Variants in FGF14 observed in about 807,000 individuals in gnomAD.
The protein encoded by FGF14 is fibroblast growth factor homologous factor 4.
A neutral mutation model predicts 25.5 loss-of-function variants in FGF14; 5 were observed. The observed-to-expected ratio is 0.20, with a 90% CI of 0.10 to 0.41. The LOEUF (loss-of-function observed/expected upper bound fraction) is 0.41, where lower values mean the gene tolerates loss of function less well. Ranked by LOEUF, FGF14 falls within the 10% of genes least tolerant of loss-of-function variation. The pLI, the probability that FGF14 is intolerant of heterozygous loss-of-function variation, is 1.00. For missense variants in FGF14, 222 were observed against 320.1 expected (o/e 0.69, Z 2.34); for synonymous variants, 138 against 118.3 (o/e 1.17, Z -1.08).
intron 3 of FGF14, 156 bp downstream of exon 3, chr13:101,868,569 T>C (rs1185888575): frequency 2.9e-6 from 2 of 678,880 alleles, no homozygotes; most frequent in Non-Finnish European, 5.4e-6. Context: ...TAAACACTGG[T>C]GAATAATAAA....
chr13:102,353,676 G>C (rs2057350026), intron 1 of FGF14, among the ~76,000 whole-genome samples: 1 of 151,946 alleles, frequency 6.6e-6, no homozygotes, highest in African/African-American at 2.4e-5. Flanking sequence ...TCACTTCCTG[G>C]ACCTCGCTAC....
In FGF14 at chr13:101,725,649, G is replaced by A. The variant is rs796661990; in HGVS notation, c.607+963C>T. On this transcript the variant is annotated intron_variant, in intron 4 of 4. Coordinates refer to ENST00000376143, the MANE Select transcript of FGF14 (RefSeq NM_004115.4). ...TTATGAAAACAATATGCATTTTCTC[G>A]TGATGGCTAAGCCTTTCCTGTAGGA... Among the ~76,000 whole-genome samples, 11 of 152,080 alleles carry A rather than the reference G, an allele frequency of 7.2e-5. No individual in the cohort carries two copies. In the East Asian group the frequency reaches 7.7e-4, roughly 11 times the overall value.
At position 102,206,553 on chromosome 13, in the gene FGF14, C is replaced by T. The variant is rs550683151; in HGVS notation, c.208+194918G>A. Reference sequence around the variant, plus strand: ...AAAATTAGCCAGGCATGGTGATGTGCGCCTGTACTCCCAGCTACTCAGTAA... The same window carrying T: ...AAAATTAGCCAGGCATGGTGATGTGTGCCTGTACTCCCAGCTACTCAGTAA... On this transcript the variant is annotated intron_variant, in intron 1 of 4. Transcript: ENST00000376131. Among the ~76,000 whole-genome samples the T allele has an allele frequency of 1.8e-4, 27 of 151,770 alleles. No individual in the cohort carries two copies. The East Asian group carries it at 4.1e-3, about 23-fold the overall frequency.
chr13:102,183,737 T>C (rs77746402), intron 1 of FGF14, among the ~76,000 whole-genome samples: 115 of 152,272 alleles, frequency 7.6e-4, no homozygotes, highest in African/African-American at 2.4e-3. Context: ...CAAAGAAATA[T>C]AGCAGAGAGG....
intron 1 of FGF14, among the ~76,000 whole-genome samples, chr13:102,308,302 A>G (rs2055514544): frequency 6.6e-6 from 1 of 152,218 alleles, no homozygotes; most frequent in South Asian, 2.1e-4. Context: ...CCCACTTTTT[A>G]CATTCAATCC....
intron 1 of FGF14, among the ~76,000 whole-genome samples, chr13:102,043,852 T>C (rs1055161194): frequency 4.6e-5 from 7 of 152,176 alleles, no homozygotes; most frequent in Non-Finnish European, 1.0e-4. Context: ...GGCATGCATG[T>C]GGACTATCAG....
At chr13:101,825,791 G>T (rs879425998) in intron 3 of FGF14, among the ~76,000 whole-genome samples, 7 of 152,106 alleles carry the variant, frequency 4.6e-5, no homozygotes, top group Non-Finnish European at 1.0e-4. Flanking sequence ...TTGTAAGGTG[G>T]TCATGCACTT....
At chr13:102,272,191 C>T (rs373160945) in intron 1 of FGF14, among the ~76,000 whole-genome samples, 2 of 152,052 alleles carry the variant, frequency 1.3e-5, no homozygotes, top group Non-Finnish European at 2.9e-5. Context: ...ACCGACAGTT[C>T]CCTCCCCATT....
intron 1 of FGF14, among the ~76,000 whole-genome samples, chr13:102,162,475 GAT>G (rs1276656899): frequency 6.6e-6 from 1 of 152,098 alleles, no homozygotes; most frequent in Non-Finnish European, 1.5e-5. Context: ...GATGCAAAAA[GAT>G]AGAGACTAAT....
At position 102,263,122 on chromosome 13, in the gene FGF14, CT is replaced by C. The variant is rs1490505388; in HGVS notation, c.208+138348del. The C allele has an allele frequency of 4.8e-6, 3 of 623,312 alleles. No individual in the cohort carries two copies. The African/African-American group carries it at 5.5e-5, about 11-fold the overall frequency. 38.6% of individuals were successfully genotyped at this position (623,312 alleles called of 1,614,324 possible). ...TATTACCAGTTTTCGTCTAAATCCA[CT>C]GGGGAATGGGATGATTTTGCTTTTG... On this transcript the variant is annotated intron_variant, in intron 1 of 4. Transcript: ENST00000376131.
chr13:102,142,213 C>T (rs778145838), intron 1 of FGF14, among the ~76,000 whole-genome samples: 11 of 152,164 alleles, frequency 7.2e-5, no homozygotes, highest in Non-Finnish European at 1.0e-4. Context: ...AATCATCAAG[C>T]ACAATACAGT....
chr13:102,135,190 A>C (rs2046361814), intron 1 of FGF14, among the ~76,000 whole-genome samples: 1 of 152,236 alleles, frequency 6.6e-6, no homozygotes, highest in Non-Finnish European at 1.5e-5. Flanking sequence ...CCTGGGTGAC[A>C]GAGCAAGACC....
intron 1 of FGF14, among the ~76,000 whole-genome samples, chr13:102,234,850 T>C (rs4772455): frequency 0.17 from 25,395 of 152,192 alleles, 2,248 homozygotes; most frequent in Non-Finnish European, 0.2. Flanking sequence ...ATTTACTTTC[T>C]GTGTATGGAG....
chr13:102,307,871 C>T (rs560539156), intron 1 of FGF14, among the ~76,000 whole-genome samples: 1 of 152,244 alleles, frequency 6.6e-6, no homozygotes, highest in South Asian at 2.1e-4. Context: ...ATACTGTGTT[C>T]TAGGTAATAG....
chr13:101,824,692 T>A (rs2042318339), intron 3 of FGF14, among the ~76,000 whole-genome samples: 1 of 152,150 alleles, frequency 6.6e-6, no homozygotes, highest in Non-Finnish European at 1.5e-5. Context: ...TGAAACCTCC[T>A]GAATAGTCTT....
In FGF14 at chr13:102,388,436, A is replaced by T. The variant is rs561985096; in HGVS notation, c.208+13035T>A. Among the ~76,000 whole-genome samples, 5 of 152,308 alleles carry T rather than the reference A, an allele frequency of 3.3e-5. No homozygotes were observed. The South Asian group carries it at 8.3e-4, about 25-fold the overall frequency. On this transcript the variant is annotated intron_variant, in intron 1 of 4. Coordinates refer to the FGF14 transcript ENST00000376131. Reference sequence around the variant, plus strand: ...TCCTATCTCACATTCTCAACAAACCATCTATGACTTCCAAAAGTCGATGGA... The same window carrying T: ...TCCTATCTCACATTCTCAACAAACCTTCTATGACTTCCAAAAGTCGATGGA...
intron 3 of FGF14, among the ~76,000 whole-genome samples, chr13:101,780,829 G>C (rs1384991407): frequency 6.6e-6 from 1 of 151,950 alleles, no homozygotes; most frequent in East Asian, 1.9e-4. Context: ...ACAATGCAGG[G>C]GTTTAACAAG....
rs137949117 is a variant in FGF14 at position 102,048,228 on chromosome 13, G to A, written c.209-172932C>T. 3.3e-5 allele frequency among the ~76,000 whole-genome samples: 5 copies of A among 152,234 alleles called. No homozygotes were observed. The East Asian group carries it at 9.7e-4, about 29-fold the overall frequency. ...TCTTAGGTCATAACCTTGCTCTGTT[G>A]TTCAAAAGCTGTTGCGATCTTAGGA... On this transcript the variant is annotated intron_variant, in intron 1 of 4. Coordinates refer to the FGF14 transcript ENST00000376131.
intron 1 of FGF14, among the ~76,000 whole-genome samples, chr13:102,315,578 G>T (rs1191733253): frequency 6.6e-6 from 1 of 152,148 alleles, no homozygotes; most frequent in Non-Finnish European, 1.5e-5. Flanking sequence ...TCAATGGCAT[G>T]GGTTAGTTTA....
Sources: gnomAD v4.1 joint callset for allele counts (sites outside exome capture counted in the v4.1 genomes callset) on GRCh38, gnomAD v4.1.1 for gene constraint, MANE v1.5 for transcripts, NCBI Gene and HGNC (gene_info 2026-07-23, HGNC 2026-07-21) for gene names.